Variants in BBS7 observed in about 807,000 individuals in gnomAD.
BBS7 encodes Bardet-Biedl syndrome 7.
Under a neutral mutation model 90.3 loss-of-function variants are expected in BBS7, and 50 were observed. The ratio of observed to expected loss-of-function variants is 0.55; its 90% CI spans 0.44 to 0.70. BBS7 has a LOEUF of 0.70. BBS7 is among the 30% of genes least tolerant of loss of function. The pLI, the probability that BBS7 is intolerant of heterozygous loss-of-function variation, is 0.00. For missense variants in BBS7, 729 were observed against 838.9 expected (o/e 0.87, Z 1.62); for synonymous variants, 235 against 287.4 (o/e 0.82, Z 1.85).
At chr4:121,850,845 T>A (rs376019112) in intron 8 of BBS7, among the ~76,000 whole-genome samples, 23 of 152,308 alleles carry the variant, frequency 1.5e-4, no homozygotes, top group African/African-American at 5.3e-4. Context: ...CTCTGAGCTA[T>A]CCTGCAAATT....
At chr4:121,855,620 T>C in intron 5 of BBS7, 59 bp from the exon 6 acceptor site, 1 of 1,389,400 alleles carries the variant, frequency 7.2e-7, no homozygotes, top group Non-Finnish European at 1.0e-6. Flanking sequence ...ATAGAGGCAT[T>C]CATGAATAAC....
chr4:121,867,554 T>C (rs1318924798), intron 2 of BBS7, among the ~76,000 whole-genome samples: 1 of 152,214 alleles, frequency 6.6e-6, no homozygotes, highest in East Asian at 1.9e-4. Context: ...GAAACTATAA[T>C]TGTTTTGTGG....
At chr4:121,858,970 G>GA in intron 5 of BBS7, 22 bp downstream of exon 5, 6 of 1,606,106 alleles carry the variant, frequency 3.7e-6, no homozygotes, top group Non-Finnish European at 5.1e-6. Flanking sequence ...TAAAAAATTA[G>GA]AAAAATACAA....
intron 4 of BBS7, among the ~76,000 whole-genome samples, chr4:121,859,664 T>C (rs959518611): frequency 2.6e-5 from 4 of 152,134 alleles, no homozygotes; most frequent in African/African-American, 9.7e-5. Flanking sequence ...TAGATTAGAC[T>C]GCAACTCAGT....
At chr4:121,853,141 T>C in intron 7 of BBS7, 55 bp from the exon 8 acceptor site, 1 of 1,576,128 alleles carries the variant, frequency 6.3e-7, no homozygotes, top group Non-Finnish European at 8.7e-7. Context: ...TATGGTCAAG[T>C]ATATGCCAAG....
At chr4:121,866,512 G>A (rs532325340) in intron 2 of BBS7, among the ~76,000 whole-genome samples, 3 of 152,098 alleles carry the variant, frequency 2.0e-5, no homozygotes, top group Admixed American at 6.5e-5. Flanking sequence ...TGATCCACTC[G>A]CCTTGGCCTC....
intron 3 of BBS7, 67 bp from the exon 4 acceptor site, chr4:121,861,746 TAG>T: frequency 6.5e-7 from 1 of 1,545,382 alleles, no homozygotes; most frequent in Non-Finnish European, 8.9e-7. Flanking sequence ...TCCTTTACAA[TAG>T]AAAATGTTAT....
chr4:121,859,418 A>T (rs912595210), intron 4 of BBS7, among the ~76,000 whole-genome samples: 2 of 152,180 alleles, frequency 1.3e-5, no homozygotes, highest in South Asian at 4.1e-4. Context: ...TGAGCTCAGA[A>T]AAATGGAAAA....
chr4:121,852,933 AT>A (rs1198447093), intron 8 of BBS7, 22 bp downstream of exon 8: 4 of 1,609,930 alleles, frequency 2.5e-6, no homozygotes, highest in Non-Finnish European at 3.4e-6. Flanking sequence ...TAATAAGCAT[AT>A]AGTCTTTTTT....
chr4:121,828,393 T>G lies in BBS7; in HGVS notation c.1890+9A>C. The stretch of plus-strand genomic sequence containing the variant: ...ATAATCACCAGTCCACGACGACACA[T>G]GTACTTACTTTTAAAGCATCAATTA... On this transcript the variant is annotated intron_variant, in intron 17 of 18. Coordinates refer to ENST00000264499, the MANE Select transcript of BBS7 (RefSeq NM_176824.3). The G allele has an allele frequency of 6.2e-7, 1 of 1,609,752 alleles. No individual in the cohort carries two copies. Among genetic ancestry groups the G allele is most frequent in the Non-Finnish European group, 8.5e-7 (1 of 1,176,330 alleles).
intron 7 of BBS7, among the ~76,000 whole-genome samples, chr4:121,854,062 T>A (rs1316251540): frequency 1.3e-5 from 2 of 152,196 alleles, no homozygotes; most frequent in African/African-American, 4.8e-5. Context: ...AAATTTCACC[T>A]CTTCTAAGAG....
chr4:121,838,495 C>T (rs1247499111), intron 13 of BBS7, among the ~76,000 whole-genome samples: 2 of 151,786 alleles, frequency 1.3e-5, no homozygotes, highest in African/African-American at 4.8e-5. Context: ...GATTTGTGTG[C>T]TATGGTAAGT....
At chr4:121,831,403 G>T (rs993540880) in intron 15 of BBS7, among the ~76,000 whole-genome samples, 8 of 151,826 alleles carry the variant, frequency 5.3e-5, no homozygotes, top group Non-Finnish European at 1.2e-4. Flanking sequence ...GGCTGAGGCA[G>T]GAGGATTGCT....
chr4:121,860,222 A>C (rs955258589), intron 4 of BBS7, among the ~76,000 whole-genome samples: 1 of 151,996 alleles, frequency 6.6e-6, no homozygotes, highest in African/African-American at 2.4e-5. Flanking sequence ...TTTAAATTCC[A>C]TTTTGAAACC....
chr4:121,870,357 A>T lies in BBS7; in HGVS notation c.-44T>A. On this transcript the variant is annotated 5_prime_UTR_variant, in exon 1 of 19. Transcript: ENST00000264499. ...CTAAGCAGCGCCGGACAAGAACAGG[A>T]GGGACAGAGGCTTCGGGCCCGCAGG... is the stretch of plus-strand genomic sequence containing the variant. 1 of 1,612,862 alleles carries T rather than the reference A, an allele frequency of 6.2e-7. No individual in the cohort carries two copies. Among genetic ancestry groups the T allele is most frequent in the East Asian group, 2.2e-5 (1 of 44,868 alleles).
At chr4:121,870,182 C>T (rs1727508147) in intron 1 of BBS7, 96 bp downstream of exon 1, 1 of 1,533,202 alleles carries the variant, frequency 6.5e-7, no homozygotes, top group Non-Finnish European at 9.0e-7. Context: ...TCCGCACCAG[C>T]TCCTGGCGAC....
chr4:121,848,741 T>C, intron 9 of BBS7, 103 bp downstream of exon 9: 1 of 898,170 alleles, frequency 1.1e-6, no homozygotes, highest in Non-Finnish European at 1.8e-6. Flanking sequence ...AAGGGGGGAC[T>C]ACTATAACTG....
At position 121,833,362 on chromosome 4, in the gene BBS7, G is replaced by A; in HGVS notation, c.1545C>T (p.Phe515=). Residue 515 remains phenylalanine (F), a synonymous_variant, in exon 15 of 19, where the codon TTC becomes TTT. Transcript: ENST00000264499. ...CCCAGGAGTGAACTTCAGCAAAACTGAACTGGCCTGTTAGGGTCAGTGTAT... is the reference window on the plus strand; with the variant it reads ...CCCAGGAGTGAACTTCAGCAAAACTAAACTGGCCTGTTAGGGTCAGTGTAT... ...PMNTLTLTGQ[F]SFAEVHSWVV... is the part of the protein sequence containing the mutation. The A allele has an allele frequency of 6.2e-7, 1 of 1,613,992 alleles. No individual in the cohort carries two copies. Among genetic ancestry groups the A allele is most frequent in the Non-Finnish European group, 8.5e-7 (1 of 1,179,926 alleles).
chr4:121,853,257 TC>T (rs1310096456), intron 7 of BBS7, among the ~76,000 whole-genome samples, 171 bp from the exon 8 acceptor site: 2 of 152,150 alleles, frequency 1.3e-5, no homozygotes, highest in Non-Finnish European at 2.9e-5. Flanking sequence ...TATTTCCAGG[TC>T]TTTAAATATA....
Sources: allele counts gnomAD v4.1 joint callset (sites outside exome capture counted in the v4.1 genomes callset), GRCh38; gene constraint gnomAD v4.1.1; transcripts MANE v1.5; gene names NCBI Gene and HGNC (gene_info 2026-07-23, HGNC 2026-07-21).